Variants in MYO1H observed in about 807,000 individuals in gnomAD.
MYO1H encodes unconventional myosin-Ih.
A neutral mutation model predicts 149.3 loss-of-function variants in MYO1H; 118 were observed. The observed-to-expected ratio is 0.79, with a 90% confidence interval of 0.68 to 0.92. MYO1H has a LOEUF of 0.92. MYO1H is among the 40% of genes least tolerant of loss of function. MYO1H has a pLI of 0.00. For missense variants in MYO1H, 1,212 were observed against 1,280.7 expected, an observed-to-expected ratio of 0.95 and a Z score of 0.82; for synonymous variants, 447 against 465.2, an observed-to-expected ratio of 0.96 and a Z score of 0.50.
the MYO1H span, among the ~76,000 whole-genome samples, chr12:109,331,663 A>C: frequency 6.6e-6 from 1 of 152,176 alleles, no homozygotes; most frequent in African/African-American, 2.4e-5. Flanking sequence ...CAGGAAAGAG[A>C]AAAAGGCTGG....
chr12:109,321,229 A>G, the MYO1H span, among the ~76,000 whole-genome samples: 3 of 152,194 alleles, frequency 2.0e-5, no homozygotes, highest in African/African-American at 4.8e-5. Context: ...TAAACCAGCC[A>G]GGGATTCTGC....
intron 13 of MYO1H, among the ~76,000 whole-genome samples, chr12:109,411,213 C>G (rs1391696177): frequency 6.6e-6 from 1 of 152,188 alleles, no homozygotes; most frequent in East Asian, 1.9e-4. Flanking sequence ...AAGCAGTCCT[C>G]CCACATCAGC....
chr12:109,339,381 A>G, the MYO1H span, among the ~76,000 whole-genome samples: 1 of 152,170 alleles, frequency 6.6e-6, no homozygotes, highest in Non-Finnish European at 1.5e-5. Context: ...AAAAAATAAA[A>G]ATAAGTTAAC....
intron 1 of MYO1H, among the ~76,000 whole-genome samples, chr12:109,387,033 TGTG>T (rs1566022769): frequency 3.3e-5 from 4 of 119,948 alleles, no homozygotes. Context: ...TGTGTGTGTG[TGTG>T]TGTGTAGTGT....
At chr12:109,362,699 G>A (rs1182258914) in intron 1 of MYO1H, among the ~76,000 whole-genome samples, 1 of 152,164 alleles carries the variant, frequency 6.6e-6, no homozygotes, top group Non-Finnish European at 1.5e-5. Context: ...GTATTTCCGT[G>A]TCTTCACAGA....
intron 5 of MYO1H, 98 bp downstream of exon 5, chr12:109,397,910 G>A: frequency 1.2e-6 from 1 of 812,262 alleles, no homozygotes; most frequent in East Asian, 3.0e-5. Context: ...GGCATTTTTT[G>A]GCTCAAGCTA....
chr12:109,363,483 C>T (rs1182494024), intron 1 of MYO1H, among the ~76,000 whole-genome samples: 2 of 151,974 alleles, frequency 1.3e-5, no homozygotes, highest in Non-Finnish European at 2.9e-5. Flanking sequence ...GAGGCCGAGA[C>T]GAGTGGATCA....
At chr12:109,448,060 G>A (rs1872563794) in exon 32 of MYO1H, 2 of 152,188 alleles carry the variant, frequency 1.3e-5, no homozygotes, top group South Asian at 4.2e-4. Context: ...ATCACTTACC[G>A]ATTCACCAAA....
At chr12:109,369,172 G>A (rs1035135884) in intron 1 of MYO1H, among the ~76,000 whole-genome samples, 13 of 152,072 alleles carry the variant, frequency 8.5e-5, no homozygotes, top group African/African-American at 3.1e-4. Flanking sequence ...ACTTTTACTA[G>A]AGACAGGGTT....
At chr12:109,408,104 G>T (rs1246634487) in intron 10 of MYO1H, 191 bp downstream of exon 10, 2 of 693,724 alleles carry the variant, frequency 2.9e-6, no homozygotes, top group Non-Finnish European at 4.9e-6. Flanking sequence ...TATACAATGT[G>T]TTCCAAAGCG....
exon 26 of MYO1H, chr12:109,441,636 A>C (rs762201396): frequency 1.2e-6 from 2 of 1,612,436 alleles, no homozygotes; most frequent in South Asian, 2.2e-5. Context: ...GGTAGTTACA[A>C]GTGAAATCTT....
chr12:109,424,826 A>G lies in MYO1H; in HGVS notation c.1723A>G (p.Thr575Ala), dbSNP rs758198897. The G allele has an allele frequency of 1.2e-5, 20 of 1,613,402 alleles. No homozygotes were observed. In the East Asian group the frequency reaches 2.9e-4, roughly 23 times the overall value. ...GTTAGAAAACCGGAGGAGGCCCCCAACAGTGAGTGGGAAAAACACCCATGC... is the reference window on the plus strand; with the variant it reads ...GTTAGAAAACCGGAGGAGGCCCCCAGCAGTGAGTGGGAAAAACACCCATGC... Residue 575 changes from threonine to alanine, a missense_variant and splice_region_variant, in exon 17 of 32, where the codon ACA becomes GCA. Thr to Ala is a moderately conservative substitution (Grantham distance 58). Coordinates refer to ENST00000310903, the Ensembl canonical transcript of MYO1H.
intron 22 of MYO1H, among the ~76,000 whole-genome samples, chr12:109,437,731 T>C (rs1304938207): frequency 6.6e-6 from 1 of 152,108 alleles, no homozygotes; most frequent in East Asian, 1.9e-4. Context: ...GTCTTTGTAA[T>C]AGAAACAATG....
chr12:109,410,757 A>G (rs1870628260), exon 13 of MYO1H: 6 of 1,584,634 alleles, frequency 3.8e-6, no homozygotes, highest in Non-Finnish European at 5.2e-6. Context: ...TAAAGGAATC[A>G]TATCTATTCT....
At chr12:109,348,163 C>T (rs1868376235) in intron 1 of MYO1H, among the ~76,000 whole-genome samples, 191 bp downstream of exon 1, 1 of 152,170 alleles carries the variant, frequency 6.6e-6, no homozygotes, top group Non-Finnish European at 1.5e-5. Flanking sequence ...CCTTCTGTTG[C>T]TGGGGGCAAG....
rs35940183 is a variant in MYO1H at position 109,442,997 on chromosome 12, G to GA, written c.2689-504dup. Reference sequence around the variant, plus strand: ...AAATCCCCATCATGCAGAGAGCCAGGAAAAAAAAAAAAATATATATATATA... The same window carrying GA: ...AAATCCCCATCATGCAGAGAGCCAGGAAAAAAAAAAAAAATATATATATATA... On this transcript the variant is annotated intron_variant, in intron 27 of 31. Coordinates refer to ENST00000310903, the Ensembl canonical transcript of MYO1H. Among the ~76,000 whole-genome samples, 157 of 67,802 alleles carry GA rather than the reference G, an allele frequency of 2.3e-3. 28 individuals carry two copies. Among genetic ancestry groups the GA allele is most frequent in the East Asian group, 6.5e-3 (20 of 3,088 alleles). 44.5% of individuals were successfully genotyped at this position (67,802 alleles called of 152,430 possible).
At chr12:109,441,838 G>A (rs1872143688) in intron 26 of MYO1H, 130 bp downstream of exon 26, 8 of 616,164 alleles carry the variant, frequency 1.3e-5, no homozygotes, top group Non-Finnish European at 2.3e-5. Flanking sequence ...CCTGAGCTCA[G>A]GAGTTCGAGA....
intron 1 of MYO1H, among the ~76,000 whole-genome samples, chr12:109,351,480 A>G (rs913214897): frequency 6.6e-6 from 1 of 152,206 alleles, no homozygotes; most frequent in Non-Finnish European, 1.5e-5. Context: ...TTTTATTGGT[A>G]TCTGTTTAAA....
the MYO1H span, among the ~76,000 whole-genome samples, chr12:109,314,205 T>A: frequency 6.6e-6 from 1 of 150,828 alleles, no homozygotes; most frequent in Admixed American, 6.6e-5. Flanking sequence ...TTTTTCTTTT[T>A]TCTTTGTCTT....
Sources: allele counts gnomAD v4.1 joint callset (sites outside exome capture counted in the v4.1 genomes callset), GRCh38; gene constraint gnomAD v4.1.1; transcripts MANE v1.5; gene names NCBI Gene and HGNC (gene_info 2026-07-23, HGNC 2026-07-21).